CAPN8: variants seen among roughly 807,000 people sequenced by gnomAD.
The protein encoded by CAPN8 is calpain-8.
A neutral mutation model predicts 80.9 loss-of-function variants in CAPN8; 87 were observed. The observed-to-expected ratio is 1.07, with a 90% CI of 0.90 to 1.28. The LOEUF is 1.28. Ranked by LOEUF, CAPN8 falls within the 50% of genes most tolerant of loss-of-function variation. CAPN8 has a pLI of 0.00. For synonymous variants in CAPN8, 299 were observed against 273.8 expected (o/e 1.09, Z -0.91); for missense variants, 757 against 702.0 (o/e 1.08, Z -0.89).
At chr1:223,656,668 G>GTTGTTT (rs1658497061) in intron 1 of CAPN8, among the ~76,000 whole-genome samples, 6 of 94,796 alleles carry the variant, frequency 6.3e-5, no homozygotes, top group Admixed American at 2.7e-4. Flanking sequence ...CACGTTTTGG[G>GTTGTTT]TTTTTTTGTT....
chr1:223,622,475 G>C, intron 7 of CAPN8: 1 of 270,964 alleles, frequency 3.7e-6, no homozygotes, highest in South Asian at 6.1e-5. Flanking sequence ...TTGTGGAGTG[G>C]AAAGAAACAG....
intron 2 of CAPN8, among the ~76,000 whole-genome samples, chr1:223,649,328 G>A (rs1282609164): frequency 6.6e-6 from 1 of 152,242 alleles, no homozygotes; most frequent in Non-Finnish European, 1.5e-5. Flanking sequence ...ATGGCAGGTA[G>A]AGTTAGCAGT....
chr1:223,549,378 T>C lies in CAPN8; in HGVS notation c.1704A>G (p.Thr568=). ...TGTTGAATCCATCGAATTTTATGTCTGTTCCTAAAGATTTAAATAGAAAAG... is the reference window on the plus strand; with the variant it reads ...TGTTGAATCCATCGAATTTTATGTCCGTTCCTAAAGATTTAAATAGAAAAG... ...ILLNEAFSKR[T]DIKFDGFNIN... is the part of the protein sequence containing the mutation. The change falls in exon 16 of 21, where the codon ACA becomes ACG. Residue 568 remains threonine, a synonymous_variant. Coordinates refer to ENST00000366872, the MANE Select transcript of CAPN8 (RefSeq NM_001143962.2). 6.4e-7 allele frequency: 1 copy of C among 1,551,872 alleles called. No homozygotes were observed. Among genetic ancestry groups the C allele is most frequent in the Non-Finnish European group, 8.7e-7 (1 of 1,147,034 alleles).
At chr1:223,650,742 A>G (rs748907520) in intron 2 of CAPN8, among the ~76,000 whole-genome samples, 1 of 152,130 alleles carries the variant, frequency 6.6e-6, no homozygotes, top group African/African-American at 2.4e-5. Flanking sequence ...TCCTTAAGCT[A>G]TTAATAGTTG....
intron 2 of CAPN8, chr1:223,642,572 C>T (rs766192289): frequency 6.4e-5 from 21 of 325,878 alleles, no homozygotes; most frequent in Non-Finnish European, 9.6e-5. Context: ...GGGGGGTCTT[C>T]GGCTTCCAGG....
At chr1:223,625,972 A>G in intron 5 of CAPN8, 84 bp from the exon 6 acceptor site, 1 of 1,075,846 alleles carries the variant, frequency 9.3e-7, no homozygotes, top group Non-Finnish European at 1.4e-6. Flanking sequence ...GACACACTAC[A>G]CAGCCACTGG....
intron 13 of CAPN8, among the ~76,000 whole-genome samples, chr1:223,556,595 G>A (rs1656910934): frequency 6.6e-6 from 1 of 152,194 alleles, no homozygotes; most frequent in Admixed American, 6.5e-5. Flanking sequence ...GTGGACCCAT[G>A]ACCAGAAGAG....
At chr1:223,630,723 A>G (rs564469534) in intron 2 of CAPN8, among the ~76,000 whole-genome samples, 1 of 152,212 alleles carries the variant, frequency 6.6e-6, no homozygotes, top group East Asian at 1.9e-4. Flanking sequence ...ACAGACAAAC[A>G]CTATCTTCCT....
intron 2 of CAPN8, among the ~76,000 whole-genome samples, chr1:223,649,864 C>A (rs1658299706): frequency 6.6e-6 from 1 of 152,160 alleles, no homozygotes; most frequent in Non-Finnish European, 1.5e-5. Flanking sequence ...TCTCATGGAG[C>A]ACACAGTCAG....
chr1:223,554,974 C>T (rs1656872186), intron 13 of CAPN8, among the ~76,000 whole-genome samples: 1 of 152,222 alleles, frequency 6.6e-6, no homozygotes, highest in South Asian at 2.1e-4. Flanking sequence ...GACAGCTTCC[C>T]AGATGACACG....
intron 13 of CAPN8, among the ~76,000 whole-genome samples, chr1:223,554,984 G>A (rs1370405645): frequency 3.3e-5 from 5 of 152,220 alleles, no homozygotes; most frequent in African/African-American, 1.2e-4. Flanking sequence ...CAGATGACAC[G>A]AAATTTCTAG....
At chr1:223,655,674 A>G (rs891746288) in intron 1 of CAPN8, among the ~76,000 whole-genome samples, 2 of 152,196 alleles carry the variant, frequency 1.3e-5, no homozygotes, top group African/African-American at 4.8e-5. Flanking sequence ...ACAAAGAGAG[A>G]AAAATGAGAA....
Position 223,628,139 on chromosome 1 carries a change from A to G in CAPN8, c.430T>C (p.Trp144Arg). 2.6e-6 allele frequency: 4 copies of G among 1,543,656 alleles called. No homozygotes were observed. Among genetic ancestry groups the G allele is most frequent in the South Asian group, 1.2e-5 (1 of 83,638 alleles). The change falls in exon 4 of 21, where the codon TGG becomes CGG. Residue 144 changes from tryptophan (W) to arginine (R), a missense_variant. By Grantham distance (101) the Trp-to-Arg change is moderately radical. Coordinates refer to ENST00000366872, the MANE Select transcript of CAPN8 (RefSeq NM_001143962.2). Reference sequence around the variant, plus strand: ...ACCTCCACCCACTCTCCGTACTGCCAGAACTGGGGAGGGGGGACACAGCGG... The same window carrying G: ...ACCTCCACCCACTCTCCGTACTGCCGGAACTGGGGAGGGGGGACACAGCGG... ...NYAGIFHFQF[W>R]QYGEWVEVVI...
intron 2 of CAPN8, among the ~76,000 whole-genome samples, chr1:223,639,856 C>A (rs1658002176): frequency 6.6e-6 from 1 of 152,222 alleles, no homozygotes; most frequent in Non-Finnish European, 1.5e-5. Context: ...GTTCAAGTGA[C>A]CCCCCAAGGC....
intron 2 of CAPN8, among the ~76,000 whole-genome samples, chr1:223,638,070 G>A (rs78841899): frequency 0.011 from 1,635 of 152,206 alleles, 19 homozygotes; most frequent in Non-Finnish European, 0.015. Context: ...CCAACTGCAG[G>A]TTGAAAATAT....
intron 5 of CAPN8, 132 bp from the exon 6 acceptor site, chr1:223,626,020 T>C (rs933514671): frequency 7.6e-6 from 5 of 658,786 alleles, no homozygotes; most frequent in African/African-American, 3.6e-5. Flanking sequence ...GGCATGGCTA[T>C]GAACCTCAGG....
intron 10 of CAPN8, among the ~76,000 whole-genome samples, chr1:223,613,410 G>T (rs1017008927): frequency 6.6e-6 from 1 of 152,206 alleles, no homozygotes; most frequent in African/African-American, 2.4e-5. Context: ...GCAGGGGCTT[G>T]CCCAACCACA....
At chr1:223,629,946 G>C (rs1657724062) in intron 2 of CAPN8, among the ~76,000 whole-genome samples, 2 of 152,128 alleles carry the variant, frequency 1.3e-5, no homozygotes, top group Admixed American at 6.5e-5. Context: ...TGTTCAGATG[G>C]AAGGCCCTTC....
chr1:223,544,900 G>A (rs1656578367), intron 17 of CAPN8, 50 bp from the exon 18 acceptor site: 1 of 1,550,322 alleles, frequency 6.5e-7, no homozygotes, highest in East Asian at 2.4e-5. Context: ...CACGGCCCCT[G>A]CCAGAACCAT....
Sources: allele counts gnomAD v4.1 joint callset (sites outside exome capture counted in the v4.1 genomes callset), GRCh38; gene constraint gnomAD v4.1.1; transcripts MANE v1.5; gene names NCBI Gene and HGNC (gene_info 2026-07-23, HGNC 2026-07-21).